RALGPS1: variants seen among roughly 807,000 people sequenced by gnomAD.
RALGPS1 encodes the protein ras-specific guanine nucleotide-releasing factor RalGPS1.
A neutral mutation model predicts 78.8 loss-of-function variants in RALGPS1; 19 were observed. The ratio of observed to expected loss-of-function variants is 0.24; its 90% confidence interval spans 0.17 to 0.35. The LOEUF is 0.35. Ranked by LOEUF, RALGPS1 falls within the 10% of genes least tolerant of loss-of-function variation. RALGPS1 has a pLI of 1.00. For synonymous variants in RALGPS1, 228 were observed against 256.3 expected (o/e 0.89, Z 1.06); for missense variants, 454 against 688.3 (o/e 0.66, Z 3.81).
intron 8 of RALGPS1, among the ~76,000 whole-genome samples, chr9:127,149,831 C>A (rs1482655112): frequency 3.9e-5 from 6 of 152,166 alleles, no homozygotes; most frequent in African/African-American, 1.4e-4. Flanking sequence ...CCTTGGTTTC[C>A]CCACCTGGAT....
At chr9:126,931,271 G>T (rs1197274536) in intron 1 of RALGPS1, among the ~76,000 whole-genome samples, 1 of 152,162 alleles carries the variant, frequency 6.6e-6, no homozygotes, top group East Asian at 1.9e-4. Flanking sequence ...TACACTCAGG[G>T]AAGCCATGTG....
chr9:127,156,039 T>C (rs879893417), intron 8 of RALGPS1, among the ~76,000 whole-genome samples: 1 of 152,196 alleles, frequency 6.6e-6, no homozygotes, highest in Non-Finnish European at 1.5e-5. Context: ...CAGTGTATTC[T>C]CTGTGTGTGA....
At chr9:126,955,645 T>G (rs183145740) in intron 1 of RALGPS1, among the ~76,000 whole-genome samples, 1 of 152,112 alleles carries the variant, frequency 6.6e-6, no homozygotes, top group African/African-American at 2.4e-5. Context: ...TTAATATAAT[T>G]TTTTGGTATA....
At chr9:126,978,656 A>G (rs536457480) in intron 4 of RALGPS1, among the ~76,000 whole-genome samples, 1 of 152,144 alleles carries the variant, frequency 6.6e-6, no homozygotes, top group South Asian at 2.1e-4. Flanking sequence ...ATTTATTACA[A>G]GGATAAAGGG....
At chr9:127,004,975 A>G (rs747508683) in intron 4 of RALGPS1, among the ~76,000 whole-genome samples, 14 of 152,328 alleles carry the variant, frequency 9.2e-5, no homozygotes, top group Non-Finnish European at 1.6e-4. Flanking sequence ...TGCATTGCCA[A>G]GCAAAAGAAG....
chr9:127,180,307 G>A (rs1455432998), intron 11 of RALGPS1, among the ~76,000 whole-genome samples: 4 of 152,310 alleles, frequency 2.6e-5, no homozygotes, highest in African/African-American at 7.2e-5. Flanking sequence ...GCAGCACCGC[G>A]AGTCCAGGAA....
At chr9:127,094,253 T>G (rs963680693) in intron 8 of RALGPS1, among the ~76,000 whole-genome samples, 1 of 152,160 alleles carries the variant, frequency 6.6e-6, no homozygotes, top group Non-Finnish European at 1.5e-5. Context: ...CATATAGTGT[T>G]GTCAGGATTA....
At chr9:127,001,906 A>AAT (rs1418942442) in intron 4 of RALGPS1, among the ~76,000 whole-genome samples, 1 of 152,144 alleles carries the variant, frequency 6.6e-6, no homozygotes, top group Non-Finnish European at 1.5e-5. Flanking sequence ...ATAAAAATAA[A>AAT]ATATATATGC....
At chr9:127,080,547 T>C (rs1348327618) in intron 8 of RALGPS1, among the ~76,000 whole-genome samples, 1 of 152,158 alleles carries the variant, frequency 6.6e-6, no homozygotes, top group Non-Finnish European at 1.5e-5. Flanking sequence ...ATTTTATATG[T>C]GTTGTTTTGC....
intron 4 of RALGPS1, among the ~76,000 whole-genome samples, chr9:127,019,987 G>T (rs1478254565): frequency 6.6e-6 from 1 of 152,050 alleles, no homozygotes; most frequent in African/African-American, 2.4e-5. Context: ...TCTATTGAGA[G>T]GATCATATCA....
rs148556698 is a variant in RALGPS1, at chr9:127,188,508, T to C, written c.911-6583T>C. ...GTCAGATCCTGTTCTTGAGATGCCATCTGAAAGCAGGAACTGGGGCCTCAG... is the reference window on the plus strand; with the variant it reads ...GTCAGATCCTGTTCTTGAGATGCCACCTGAAAGCAGGAACTGGGGCCTCAG... On this transcript the variant is annotated intron_variant, in intron 11 of 18. Coordinates refer to ENST00000259351, the MANE Select transcript of RALGPS1 (RefSeq NM_014636.3). Among the ~76,000 whole-genome samples the C allele has an allele frequency of 5.2e-3, 790 of 152,198 alleles. 7 individuals carry two copies. Among genetic ancestry groups the C allele is most frequent in the African/African-American group, 0.018 (752 of 41,520 alleles).
In RALGPS1 at chr9:126,977,679, T is replaced by A; in HGVS notation, c.166-16T>A. ...GATGTACAGTATTTTCTAAAATTGATTCTCTTTTGTTGCAGAGCCAGATTA... is the reference window on the plus strand; with the variant it reads ...GATGTACAGTATTTTCTAAAATTGAATCTCTTTTGTTGCAGAGCCAGATTA... On this transcript the variant is annotated splice_polypyrimidine_tract_variant and intron_variant, in intron 3 of 18. Coordinates refer to ENST00000259351, the MANE Select transcript of RALGPS1 (RefSeq NM_014636.3). The A allele has an allele frequency of 6.4e-7, 1 of 1,566,898 alleles. No individual in the cohort carries two copies. The highest frequency in any genetic ancestry group is 8.7e-7 in the Non-Finnish European group (1 of 1,145,942).
chr9:127,063,924 T>C (rs1441898444), intron 7 of RALGPS1, among the ~76,000 whole-genome samples: 1 of 152,244 alleles, frequency 6.6e-6, no homozygotes, highest in Non-Finnish European at 1.5e-5. Context: ...CATTATTCTT[T>C]TATGCAGCAA....
chr9:127,185,186 G>C (rs1564745719), intron 11 of RALGPS1, among the ~76,000 whole-genome samples: 1 of 152,040 alleles, frequency 6.6e-6, no homozygotes, highest in Non-Finnish European at 1.5e-5. Flanking sequence ...GGCCACATCT[G>C]GTTGCTCTCC....
chr9:127,181,102 T>TG (rs1429392708), intron 11 of RALGPS1, among the ~76,000 whole-genome samples: 1 of 152,232 alleles, frequency 6.6e-6, no homozygotes, highest in Non-Finnish European at 1.5e-5. Flanking sequence ...CACACTCTGC[T>TG]GCTCAGGGCA....
At chr9:126,988,857 G>A (rs72764342) in intron 4 of RALGPS1, among the ~76,000 whole-genome samples, 3,516 of 152,272 alleles carry the variant, frequency 0.023, 59 homozygotes, top group Middle Eastern at 0.051. Context: ...GGCAAGGAAG[G>A]ATGCACAGAA....
At chr9:126,999,531 T>G (rs2043094262) in intron 4 of RALGPS1, among the ~76,000 whole-genome samples, 1 of 152,238 alleles carries the variant, frequency 6.6e-6, no homozygotes, top group African/African-American at 2.4e-5. Context: ...TTCACTATCT[T>G]CATAGTTTTA....
chr9:126,952,884 GC>G (rs959613117), intron 1 of RALGPS1, among the ~76,000 whole-genome samples: 1 of 152,120 alleles, frequency 6.6e-6, no homozygotes, highest in Non-Finnish European at 1.5e-5. Flanking sequence ...TCGTGGGAGA[GC>G]TGCACGTCCA....
chr9:127,146,718 AT>A (rs1385797442), intron 8 of RALGPS1, among the ~76,000 whole-genome samples: 1 of 151,878 alleles, frequency 6.6e-6, no homozygotes, highest in Non-Finnish European at 1.5e-5. Context: ...TAATTTTTGC[AT>A]TTTTAGTAGA....
Sources: allele counts gnomAD v4.1 joint callset (sites outside exome capture counted in the v4.1 genomes callset), GRCh38; gene constraint gnomAD v4.1.1; transcripts MANE v1.5; gene names NCBI Gene and HGNC (gene_info 2026-07-23, HGNC 2026-07-21).